The following PIK3C2G variants were observed in gnomAD, a reference collection of about 807,000 sequenced individuals.
PIK3C2G encodes phosphatidylinositol-4-phosphate 3-kinase catalytic subunit type 2 gamma.
In PIK3C2G, 168 loss-of-function variants were observed where a neutral mutation model predicts 181.1. That is an observed-to-expected ratio of 0.93 (90% CI 0.82 to 1.05). PIK3C2G has a LOEUF of 1.05. Among genes scored for constraint, PIK3C2G ranks in the 50% least tolerant of loss-of-function variants. The probability of loss-of-function intolerance (pLI) is 0.00; values close to 1 mark genes in which losing one functional copy is unlikely to be tolerated. For missense variants in PIK3C2G, 1,869 were observed against 1,732.8 expected, an observed-to-expected ratio of 1.08 and a Z score of -1.40; for synonymous variants, 573 against 592.2, an observed-to-expected ratio of 0.97 and a Z score of 0.47.
the PIK3C2G span, among the ~76,000 whole-genome samples, chr12:18,703,660 G>T: frequency 2.0e-5 from 3 of 152,132 alleles, no homozygotes; most frequent in Non-Finnish European, 4.4e-5. Context: ...AAATCTGTAT[G>T]TTAACCCTTG....
At chr12:18,683,902 A>G in the PIK3C2G span, among the ~76,000 whole-genome samples, 3 of 152,050 alleles carry the variant, frequency 2.0e-5, no homozygotes, top group East Asian at 1.9e-4. Flanking sequence ...ATGCTTATAC[A>G]TGCCAAGTTT....
intron 24 of PIK3C2G, among the ~76,000 whole-genome samples, chr12:18,516,345 G>A (rs1942546939): frequency 6.7e-6 from 1 of 149,880 alleles, no homozygotes; most frequent in South Asian, 2.1e-4. Flanking sequence ...GAAACCCACT[G>A]AAAGCTGGAT....
intron 18 of PIK3C2G, among the ~76,000 whole-genome samples, chr12:18,430,593 G>T (rs1946099983): frequency 6.6e-6 from 1 of 152,136 alleles, no homozygotes; most frequent in Admixed American, 6.6e-5. Context: ...ACTCAGCTGT[G>T]CACATGCAGA....
At chr12:18,550,132 T>C (rs1225264488) in intron 26 of PIK3C2G, among the ~76,000 whole-genome samples, 1 of 152,076 alleles carries the variant, frequency 6.6e-6, no homozygotes, top group African/African-American at 2.4e-5. Flanking sequence ...CTGAGGATCT[T>C]TTCTATCACA....
intron 16 of PIK3C2G, among the ~76,000 whole-genome samples, chr12:18,402,982 C>T (rs1944334390): frequency 6.6e-6 from 1 of 152,082 alleles, no homozygotes; most frequent in South Asian, 2.1e-4. Context: ...CTCAAGTGCC[C>T]TGTAAGTTGA....
Position 18,529,103 on chromosome 12 carries a change from G to A in PIK3C2G, c.3324-9053G>A, listed in dbSNP as rs556981271. 4.9e-5 allele frequency among the ~76,000 whole-genome samples: 7 copies of A among 142,148 alleles called. No individual in the cohort carries two copies. In the South Asian group the frequency reaches 1.0e-3, roughly 21 times the overall value. 93.3% of individuals were successfully genotyped at this position (142,148 alleles called of 152,430 possible). On this transcript the variant is annotated intron_variant, in intron 24 of 32. Transcript: ENST00000538779. ...TCTCGATAATCCCAACACAGCCTAC[G>A]CTTTTTCCAGCATTGGGATAGATGA... is the stretch of plus-strand genomic sequence containing the variant.
the PIK3C2G span, among the ~76,000 whole-genome samples, chr12:18,709,032 A>T: frequency 6.6e-6 from 1 of 151,940 alleles, no homozygotes; most frequent in South Asian, 2.1e-4. Context: ...AGTCCCAGTT[A>T]TTTATTTTTG....
chr12:18,433,093 T>A (rs775398452), intron 18 of PIK3C2G, among the ~76,000 whole-genome samples: 1 of 152,166 alleles, frequency 6.6e-6, no homozygotes, highest in Non-Finnish European at 1.5e-5. Flanking sequence ...ACAAGTGCTG[T>A]CAGTTGTAAA....
intron 31 of PIK3C2G, among the ~76,000 whole-genome samples, chr12:18,613,077 T>G (rs1948424100): frequency 6.6e-6 from 1 of 152,122 alleles, no homozygotes; most frequent in African/African-American, 2.4e-5. Context: ...GAAATATTTT[T>G]AAAAACTCTC....
intron 29 of PIK3C2G, among the ~76,000 whole-genome samples, chr12:18,587,672 T>A (rs780557590): frequency 6.6e-5 from 10 of 152,004 alleles, no homozygotes; most frequent in Non-Finnish European, 1.2e-4. Context: ...AAGCTACCAA[T>A]GACATTCTTC....
intron 16 of PIK3C2G, among the ~76,000 whole-genome samples, chr12:18,413,364 C>G (rs1262256771): frequency 2.0e-5 from 3 of 152,018 alleles, no homozygotes; most frequent in Admixed American, 6.6e-5. Context: ...TAGGTGAACA[C>G]TTAGAGAATA....
At chr12:18,672,341 G>T in the PIK3C2G span, among the ~76,000 whole-genome samples, 1,186 of 152,132 alleles carry the variant, frequency 7.8e-3, 13 homozygotes, top group African/African-American at 0.027. Flanking sequence ...CGACAGTTAA[G>T]AAAAGGGAAA....
chr12:18,386,006 G>A (rs1439088581), intron 14 of PIK3C2G, among the ~76,000 whole-genome samples: 3 of 152,016 alleles, frequency 2.0e-5, no homozygotes, highest in African/African-American at 4.8e-5. Context: ...TCTTGGCACT[G>A]TCTGTCTCTT....
At chr12:18,511,333 A>C (rs2136142454) in intron 24 of PIK3C2G, among the ~76,000 whole-genome samples, 1 of 152,240 alleles carries the variant, frequency 6.6e-6, no homozygotes, top group Admixed American at 6.5e-5. Context: ...ATTCTTTTGA[A>C]GAAATACCCA....
intron 4 of PIK3C2G, among the ~76,000 whole-genome samples, chr12:18,292,231 T>A (rs866943599): frequency 0.12 from 9,869 of 81,490 alleles, 1,044 homozygotes; most frequent in Non-Finnish European, 0.17. Flanking sequence ...AAAAAAAATA[T>A]ATATATATAT....
At chr12:18,296,402 T>C (rs555507509) in intron 5 of PIK3C2G, among the ~76,000 whole-genome samples, 1 of 152,128 alleles carries the variant, frequency 6.6e-6, no homozygotes, top group Non-Finnish European at 1.5e-5. Context: ...ATGCCTATGC[T>C]GCCGGTCTAC....
At chr12:18,244,203 C>T (rs1948015723), upstream of PIK3C2G, among the ~76,000 whole-genome samples, 1 of 151,808 alleles carries the variant, frequency 6.6e-6, no homozygotes, top group Non-Finnish European at 1.5e-5. Context: ...ACCCCAAATT[C>T]TATAATCTGT....
At chr12:18,511,179 T>C (rs1379775872) in intron 24 of PIK3C2G, among the ~76,000 whole-genome samples, 1 of 152,160 alleles carries the variant, frequency 6.6e-6, no homozygotes, top group Admixed American at 6.5e-5. Flanking sequence ...TAAAACTAAA[T>C]AGTATTTCAT....
intron 31 of PIK3C2G, among the ~76,000 whole-genome samples, chr12:18,609,864 A>C (rs1014662287): frequency 7.2e-5 from 11 of 152,218 alleles, no homozygotes; most frequent in Middle Eastern, 3.4e-3. Context: ...CTTTATTCAA[A>C]ATGTCAGGAA....
Sources: gnomAD v4.1 joint callset for allele counts (sites outside exome capture counted in the v4.1 genomes callset) on GRCh38, gnomAD v4.1.1 for gene constraint, MANE v1.5 for transcripts, NCBI Gene and HGNC (gene_info 2026-07-23, HGNC 2026-07-21) for gene names.